Variants in ATP11A observed in about 807,000 individuals in gnomAD.
ATP11A encodes the protein phospholipid-transporting ATPase IH.
In ATP11A, 81 loss-of-function variants were observed where a neutral mutation model predicts 154.4. That is an observed-to-expected ratio of 0.52 (90% CI 0.44 to 0.63). ATP11A has a LOEUF of 0.63. Among genes scored for constraint, ATP11A ranks in the 30% least tolerant of loss-of-function variants. ATP11A has a pLI of 0.00. For missense variants in ATP11A, 1,316 were observed against 1,474.3 expected (o/e 0.89, Z 1.76); for synonymous variants, 623 against 585.9 (o/e 1.06, Z -0.91).
chr13:112,848,612 G>T lies in ATP11A; in HGVS notation c.1810-2425G>T, dbSNP rs147800020. On this transcript the variant is annotated intron_variant, in intron 17 of 29. Transcript: ENST00000375645. The stretch of plus-strand genomic sequence containing the variant: ...TGTTGAATAGAAGTGGCAAAAGCAG[G>T]CATCCCTGTCTTGTTCCTGATCCTA... Among the ~76,000 whole-genome samples the T allele has an allele frequency of 5.3e-5, 8 of 152,308 alleles. No homozygotes were observed. The East Asian group carries it at 1.5e-3, about 29-fold the overall frequency.
rs2079909069 is a variant in ATP11A at position 112,855,927 on chromosome 13, C to G, written c.2260C>G (p.Gln754Glu). Residue 754 changes from glutamine to glutamate, a missense_variant, in exon 20 of 30, where the codon CAG becomes GAG. By Grantham distance (29) the Gln-to-Glu change is conservative. This residue lies in a region of ATP11A where 876 missense variants were observed against 1,006.8 expected (regional missense o/e 0.87). Coordinates refer to ENST00000375645, the MANE Select transcript of ATP11A (RefSeq NM_015205.3). ...CTCTAACAGACTTTCAGCAGATATG[C>G]AGGACTACGGTTTAATTATCGACGG... ...DNLSGLSADMQDYGLIIDGAA... is the reference protein window; with the variant it reads ...DNLSGLSADMEDYGLIIDGAA... 1.2e-6 allele frequency: 2 copies of G among 1,611,794 alleles called. No homozygotes were observed. The highest frequency in any genetic ancestry group is 3.4e-5 in the Admixed American group (2 of 59,644).
chr13:112,770,129 C>T (rs770699633), intron 1 of ATP11A, among the ~76,000 whole-genome samples: 5 of 152,174 alleles, frequency 3.3e-5, no homozygotes, highest in Non-Finnish European at 5.9e-5. Flanking sequence ...TGTGTTTCTT[C>T]CCACTGTTGT....
intron 11 of ATP11A, among the ~76,000 whole-genome samples, chr13:112,825,798 G>GTGA (rs1489856025): frequency 2.0e-5 from 3 of 152,240 alleles, no homozygotes; most frequent in African/African-American, 7.2e-5. Flanking sequence ...GGTTCCCACA[G>GTGA]TGAAATCATC....
chr13:112,862,717 A>G, intron 25 of ATP11A, 142 bp downstream of exon 25: 1 of 1,052,030 alleles, frequency 9.5e-7, no homozygotes, highest in Non-Finnish European at 1.4e-6. Context: ...GCAGTAATTC[A>G]GTGCAGGCCA....
At chr13:112,844,915 T>C (rs1472833674) in intron 17 of ATP11A, among the ~76,000 whole-genome samples, 1 of 151,412 alleles carries the variant, frequency 6.6e-6, no homozygotes. Context: ...GTCCAGTTAC[T>C]GGGCACTAGC....
intron 1 of ATP11A, among the ~76,000 whole-genome samples, chr13:112,784,450 C>T (rs2077572229): frequency 6.6e-6 from 1 of 152,136 alleles, no homozygotes; most frequent in Admixed American, 6.6e-5. Context: ...TTTCTTTCCT[C>T]TTCCATTAAA....
intron 1 of ATP11A, among the ~76,000 whole-genome samples, chr13:112,723,917 C>T (rs867866687): frequency 3.9e-5 from 6 of 152,100 alleles, no homozygotes; most frequent in Admixed American, 6.5e-5. Context: ...CGGGAACGCT[C>T]GTGTCACACG....
intron 16 of ATP11A, among the ~76,000 whole-genome samples, chr13:112,839,063 G>T (rs1332720909): frequency 6.6e-6 from 1 of 152,112 alleles, no homozygotes; most frequent in East Asian, 1.9e-4. Context: ...TTTTTTATAT[G>T]TCTGTACCTC....
chr13:112,735,362 G>C (rs747367595), intron 1 of ATP11A, among the ~76,000 whole-genome samples: 1 of 152,196 alleles, frequency 6.6e-6, no homozygotes, highest in Non-Finnish European at 1.5e-5. Context: ...AGCCTTCCGC[G>C]TGGCTGATGG....
rs552356984 is a variant in ATP11A, at chr13:112,826,792, C to T, written c.1122C>T (p.Leu374=). ...TCACGGTCGAGATGCAGAAGTTCCT[C>T]GGCTCTTACTTCATCACCTGGGACG... ...MYVTVEMQKF[L]GSYFITWDED... Residue 374 remains leucine (L), a synonymous_variant, in exon 12 of 30, where the codon CTC becomes CTT. Coordinates refer to ENST00000375645, the MANE Select transcript of ATP11A (RefSeq NM_015205.3). 24 of 1,614,168 alleles carry T rather than the reference C, an allele frequency of 1.5e-5. No homozygotes were observed. Among genetic ancestry groups the T allele is most frequent in the East Asian group, 6.7e-5 (3 of 44,860 alleles).
Position 112,842,358 on chromosome 13 carries a change from C to G in ATP11A, c.1788C>G (p.Ala596=). The G allele has an allele frequency of 2.5e-6, 4 of 1,608,542 alleles. No homozygotes were observed. Among genetic ancestry groups the G allele is most frequent in the Non-Finnish European group, 3.4e-6 (4 of 1,177,232 alleles). ...VIEGKVDQIR[A]RVERNAVEGL... ...AAGGCAAAGTTGACCAGATCCGAGC[C>G]AGAGTGGAGCGTAACGCAGTGGTGA... is the stretch of plus-strand genomic sequence containing the variant. The change falls in exon 17 of 30, where the codon GCC becomes GCG. Residue 596 remains alanine, a synonymous_variant. Coordinates refer to ENST00000375645, the MANE Select transcript of ATP11A (RefSeq NM_015205.3).
Position 112,831,514 on chromosome 13 carries a change from A to C in ATP11A, c.1361A>C (p.Asp454Ala), listed in dbSNP as rs1485191370. ...GQVLPESSGI[D>A]MIDSSPSVNG... ...GTCCTCCCAGAGTCGTCAGGAATCGACATGATTGACTCGTCCCCCAGCGTC... is the reference window on the plus strand; with the variant it reads ...GTCCTCCCAGAGTCGTCAGGAATCGCCATGATTGACTCGTCCCCCAGCGTC... Residue 454 changes from aspartate (D) to alanine (A), a missense_variant, in exon 13 of 30, where the codon GAC (aspartate) becomes GCC (alanine). By Grantham distance (126) the Asp-to-Ala change is moderately radical. This residue lies in a region of ATP11A where 876 missense variants were observed against 1,006.8 expected (regional missense o/e 0.87). Transcript: ENST00000375645. 3 of 1,614,072 alleles carry C rather than the reference A, an allele frequency of 1.9e-6. No homozygotes were observed. The highest frequency in any genetic ancestry group is 2.5e-6 in the Non-Finnish European group (3 of 1,180,036).
chr13:112,809,388 T>C (rs971203101), intron 4 of ATP11A, among the ~76,000 whole-genome samples: 3 of 152,228 alleles, frequency 2.0e-5, no homozygotes, highest in Non-Finnish European at 4.4e-5. Context: ...TACTTGTTTA[T>C]GCTCCCTTCG....
rs9577852 is a variant in ATP11A, at chr13:112,831,874, A to G, written c.1395+326A>G. The stretch of plus-strand genomic sequence containing the variant: ...TCACACACGCCCAGATACTGTGTGC[A>G]CACACACACATGCAGACACACGCAC... On this transcript the variant is annotated intron_variant, in intron 13 of 29. Transcript: ENST00000375645. Among the ~76,000 whole-genome samples, 67 of 152,116 alleles carry G rather than the reference A, an allele frequency of 4.4e-4. No homozygotes were observed. The East Asian group carries it at 0.012, about 27-fold the overall frequency.
chr13:112,870,527 C>T (rs532438683), intron 25 of ATP11A, among the ~76,000 whole-genome samples: 4 of 152,276 alleles, frequency 2.6e-5, no homozygotes, highest in Admixed American at 6.5e-5. Flanking sequence ...TACAGGCAGG[C>T]GCCGCTACGC....
chr13:112,799,758 G>A (rs2078085642), intron 2 of ATP11A, among the ~76,000 whole-genome samples: 1 of 152,112 alleles, frequency 6.6e-6, no homozygotes. Context: ...AGTTCACATG[G>A]AACATTTGCC....
intron 1 of ATP11A, among the ~76,000 whole-genome samples, chr13:112,768,761 T>C (rs1346920146): frequency 6.6e-6 from 1 of 152,190 alleles, no homozygotes; most frequent in African/African-American, 2.4e-5. Context: ...CCCTCGGTGT[T>C]CCCGCTGGGC....
intron 3 of ATP11A, among the ~76,000 whole-genome samples, chr13:112,805,699 A>T (rs2078303717): frequency 6.6e-6 from 1 of 150,620 alleles, no homozygotes; most frequent in Non-Finnish European, 1.5e-5. Context: ...AGAGAAAGAA[A>T]AAGAAAGAAA....
intron 1 of ATP11A, among the ~76,000 whole-genome samples, chr13:112,773,983 G>A (rs2077287531): frequency 6.6e-6 from 1 of 152,156 alleles, no homozygotes; most frequent in Non-Finnish European, 1.5e-5. Flanking sequence ...GCGGTGGAAG[G>A]CATCAAAGAA....
Sources: gnomAD v4.1 joint callset for allele counts (sites outside exome capture counted in the v4.1 genomes callset) on GRCh38, gnomAD v4.1.1 for gene constraint, gnomAD v4.1.1 regional missense constraint, MANE v1.5 for transcripts, NCBI Gene and HGNC (gene_info 2026-07-23, HGNC 2026-07-21) for gene names.